Variants in RDH13 observed in about 807,000 individuals in gnomAD.
RDH13 encodes retinol dehydrogenase 13 (all-trans and 9-cis).
A neutral mutation model predicts 28.3 loss-of-function variants in RDH13; 35 were observed. The ratio of observed to expected loss-of-function variants is 1.24; its 90% CI spans 0.95 to 1.64. The LOEUF is 1.64. RDH13 is among the 40% of genes most tolerant of loss of function. RDH13 has a pLI of 0.00. For missense variants in RDH13, 514 were observed against 446.3 expected, an observed-to-expected ratio of 1.15 and a Z score of -1.37; for synonymous variants, 229 against 198.5, an observed-to-expected ratio of 1.15 and a Z score of -1.29.
rs531125209 is a variant in RDH13, at chr19:55,056,805, C to G, written c.188G>C (p.Gly63Ala). The G allele has an allele frequency of 1.9e-6, 3 of 1,613,572 alleles. No homozygotes were observed. The highest frequency in any genetic ancestry group is 2.2e-5 in the South Asian group (2 of 91,002). ...QTALELARRG[G>A]NIILACRDME... ...GTCTCGGCAGGCCAGGATGATGTTG[C>G]CTCCTGAAAACCCAGGATGGAAAAA... Residue 63 changes from glycine to alanine, a missense_variant, in exon 3 of 7, where the codon GGC (glycine) becomes GCC (alanine). Gly to Ala is a moderately conservative substitution (Grantham distance 60, BLOSUM62 0). Coordinates refer to ENST00000415061, the MANE Select transcript of RDH13 (RefSeq NM_001145971.2).
chr19:55,053,579 C>A (rs886329310), intron 3 of RDH13, among the ~76,000 whole-genome samples: 1 of 151,664 alleles, frequency 6.6e-6, no homozygotes, highest in African/African-American at 2.4e-5. Flanking sequence ...ATGGCATGAA[C>A]CCGGGAGGCG....
chr19:55,045,053 C>A lies in RDH13; in HGVS notation c.*21G>T. On this transcript the variant is annotated 3_prime_UTR_variant, in exon 7 of 7. Coordinates refer to ENST00000415061, the MANE Select transcript of RDH13 (RefSeq NM_001145971.2). ...CCTCGGTCTGGAGGCGCCATCCTGG[C>A]TTTCAAATCTGCTCCAGAGGTTATC... 6.5e-7 allele frequency: 1 copy of A among 1,542,970 alleles called. No homozygotes were observed. Among genetic ancestry groups the A allele is most frequent in the Non-Finnish European group, 8.8e-7 (1 of 1,137,492 alleles).
chr19:55,053,516 C>T (rs913256955), intron 3 of RDH13, among the ~76,000 whole-genome samples: 4 of 151,790 alleles, frequency 2.6e-5, no homozygotes, highest in Non-Finnish European at 5.9e-5. Flanking sequence ...ATTAGCCGGG[C>T]GTGGTGGCAG....
upstream of RDH13, among the ~76,000 whole-genome samples, chr19:55,066,302 C>T (rs115510785): frequency 3.5e-3 from 528 of 152,238 alleles, 2 homozygotes; most frequent in African/African-American, 0.012. Context: ...AGAGGATTCT[C>T]CCACAATGCC....
chr19:55,039,502 C>G (rs545692287), downstream of RDH13: 1 of 152,080 alleles, frequency 6.6e-6, no homozygotes, highest in African/African-American at 2.4e-5. Context: ...AAGCCGAGAT[C>G]GCACCACTGC....
upstream of RDH13, chr19:55,063,769 C>A: frequency 1.3e-5 from 2 of 153,580 alleles, no homozygotes; most frequent in South Asian, 3.7e-4. Context: ...ATCAGAATCT[C>A]ATCCCCATGT....
downstream of RDH13, chr19:55,042,354 T>G (rs998082673): frequency 2.6e-5 from 4 of 152,094 alleles, no homozygotes; most frequent in East Asian, 7.7e-4. Flanking sequence ...GGGGGGATAT[T>G]GAAAACATGT....
chr19:55,050,059 C>G (rs2075378043), intron 3 of RDH13, among the ~76,000 whole-genome samples: 1 of 151,342 alleles, frequency 6.6e-6, no homozygotes, highest in Admixed American at 6.6e-5. Flanking sequence ...TGAACTCAAG[C>G]AATCCTCCTG....
chr19:55,053,772 C>T (rs962830025), intron 3 of RDH13: 1 of 152,124 alleles, frequency 6.6e-6, no homozygotes, highest in Admixed American at 6.6e-5. Context: ...TGTGTCCAGC[C>T]GGGGTCCTCA....
At chr19:55,062,895 G>A (rs1247435570) in intron 1 of RDH13, 73 bp downstream of exon 1, 7 of 1,247,704 alleles carry the variant, frequency 5.6e-6, no homozygotes, top group South Asian at 3.6e-5. Flanking sequence ...AGGGGCGGGG[G>A]TCTCCGCCGC....
At chr19:55,066,644 CCTCT>C (rs1171089745), upstream of RDH13, among the ~76,000 whole-genome samples, 2 of 148,190 alleles carry the variant, frequency 1.3e-5, no homozygotes, top group Non-Finnish European at 1.5e-5. Flanking sequence ...TCTCTCTCTC[CCTCT>C]TTCTCTTTCT....
intron 5 of RDH13, 157 bp downstream of exon 5, chr19:55,048,172 T>C (rs1194475553): frequency 3.9e-6 from 6 of 1,535,324 alleles, no homozygotes; most frequent in Middle Eastern, 1.7e-4. Flanking sequence ...TGATGTCTGC[T>C]TCAGGCACCA....
At chr19:55,043,247 A>G (rs577117459), downstream of RDH13, 1 of 152,322 alleles carries the variant, frequency 6.6e-6, no homozygotes, top group South Asian at 2.1e-4. Flanking sequence ...CACCTCTACA[A>G]ATAATTAGCC....
At chr19:55,066,534 TTC>T (rs200963026), upstream of RDH13, among the ~76,000 whole-genome samples, 954 of 95,000 alleles carry the variant, frequency 0.01, 13 homozygotes, top group African/African-American at 0.039. Flanking sequence ...TTCCCTTCCT[TTC>T]TCTTTCCTCT....
upstream of RDH13, among the ~76,000 whole-genome samples, chr19:55,064,693 A>G (rs1206589475): frequency 8.0e-5 from 12 of 149,892 alleles, no homozygotes; most frequent in South Asian, 6.4e-4. Flanking sequence ...GCTCACTGCA[A>G]CCTCTGCCTC....
intron 3 of RDH13, among the ~76,000 whole-genome samples, chr19:55,050,105 C>G (rs1274219060): frequency 2.2e-5 from 3 of 136,264 alleles, no homozygotes; most frequent in Non-Finnish European, 4.6e-5. Context: ...TTCACTGCCC[C>G]CAGCCTATTT....
At chr19:55,064,294 A>C (rs574967244), upstream of RDH13, 1 of 151,830 alleles carries the variant, frequency 6.6e-6, no homozygotes, top group Middle Eastern at 3.2e-3. Context: ...GGTGGCACTC[A>C]CCTGTAGTCC....
In RDH13 at chr19:55,063,076, G is replaced by T; in HGVS notation, c.-44C>A. The T allele has an allele frequency of 7.6e-7, 1 of 1,316,242 alleles. No individual in the cohort carries two copies. The highest frequency in any genetic ancestry group is 9.7e-7 in the Non-Finnish European group (1 of 1,028,698). 81.5% of individuals were successfully genotyped at this position (1,316,242 alleles called of 1,614,324 possible). A position where few individuals can be genotyped will look rare whatever the true frequency, so the allele number is the denominator to read the frequency against. On this transcript the variant is annotated 5_prime_UTR_variant, in exon 1 of 7. Coordinates refer to ENST00000415061, the MANE Select transcript of RDH13 (RefSeq NM_001145971.2). ...GTCAGGCGTCAGGGGTCGGCGCGGA[G>T]CTTGCTGCACACCAGCCGCCTGGGT...
upstream of RDH13, among the ~76,000 whole-genome samples, chr19:55,064,745 TGG>T (rs1568745374): frequency 6.7e-6 from 1 of 149,784 alleles, no homozygotes; most frequent in African/African-American, 2.5e-5. Context: ...CCCGAGTAGC[TGG>T]GGCTACAGGC....
Sources: gnomAD v4.1 joint callset for allele counts (sites outside exome capture counted in the v4.1 genomes callset) on GRCh38, gnomAD v4.1.1 for gene constraint, MANE v1.5 for transcripts, NCBI Gene and HGNC (gene_info 2026-07-23, HGNC 2026-07-21) for gene names.